The following TMEM116 variants were observed in gnomAD, a reference collection of about 807,000 sequenced individuals.
TMEM116 encodes transmembrane protein 116.
Under a neutral mutation model 44.3 loss-of-function variants are expected in TMEM116, and 38 were observed. The ratio of observed to expected loss-of-function variants is 0.86; its 90% CI spans 0.66 to 1.12. The LOEUF (loss-of-function observed/expected upper bound fraction) is 1.12, where lower values mean the gene tolerates loss of function less well. Among genes scored for constraint, TMEM116 ranks in the 50% most tolerant of loss-of-function variants. The probability of loss-of-function intolerance (pLI) is 0.00; values close to 1 mark genes in which losing one functional copy is unlikely to be tolerated. For missense variants in TMEM116, 354 were observed against 401.7 expected (o/e 0.88, Z 1.01); for synonymous variants, 132 against 144.8 (o/e 0.91, Z 0.64).
chr12:111,957,104 A>G (rs1366240040), intron 4 of TMEM116, among the ~76,000 whole-genome samples: 2 of 138,068 alleles, frequency 1.4e-5, no homozygotes, highest in Non-Finnish European at 1.6e-5. Context: ...CTGGGATGTG[A>G]GGAGCCCCTC....
chr12:112,006,154 A>T (rs1183769644), intron 1 of TMEM116: 5 of 162,188 alleles, frequency 3.1e-5, no homozygotes, highest in Admixed American at 1.3e-4. Context: ...AGGTAGTGAC[A>T]AGCGGAGGAG....
intron 4 of TMEM116, among the ~76,000 whole-genome samples, chr12:111,951,030 T>C (rs981103601): frequency 6.6e-6 from 1 of 151,964 alleles, no homozygotes; most frequent in Non-Finnish European, 1.5e-5. Context: ...CATGAACAGA[T>C]ACTTTTCAAA....
chr12:111,991,841 A>C lies in TMEM116; in HGVS notation c.127T>G (p.Cys43Gly). Residue 43 changes from cysteine (C) to glycine (G), a missense_variant, in exon 4 of 11, where the codon TGC (cysteine) becomes GGC (glycine). Coordinates refer to ENST00000552374, the MANE Select transcript of TMEM116 (RefSeq NM_001193531.2). ...LSFCDLLLGL[C>G]WLTETLLYGA... ...TAGAGAAGTGTCTCCGTGAGCCAGCAAAGTCCCAGGAGCAGGTCACAGAAG... is the reference window on the plus strand; with the variant it reads ...TAGAGAAGTGTCTCCGTGAGCCAGCCAAGTCCCAGGAGCAGGTCACAGAAG... The C allele has an allele frequency of 1.3e-6, 2 of 1,536,256 alleles. No homozygotes were observed. Among genetic ancestry groups the C allele is most frequent in the Non-Finnish European group, 1.7e-6 (2 of 1,146,734 alleles).
chr12:111,943,285 C>T lies in TMEM116; in HGVS notation c.295G>A (p.Gly99Arg), dbSNP rs2073014197. 1 of 1,613,554 alleles carries T rather than the reference C, an allele frequency of 6.2e-7. No individual in the cohort carries two copies. The highest frequency in any genetic ancestry group is 8.5e-7 in the Non-Finnish European group (1 of 1,179,696). The stretch of plus-strand genomic sequence containing the variant: ...CTTACCAGTGGAGATGTGCTCTGTC[C>T]ACTCTGGGTGTGTTTCATCCTCAGC... ...TELRMKHTQSGQSTSPLVIDY... is the reference protein window; with the variant it reads ...TELRMKHTQSRQSTSPLVIDY... Residue 99 changes from glycine (G) to arginine (R), a missense_variant, in exon 5 of 11, where the codon GGA becomes AGA. Gly to Arg is a moderately radical substitution (Grantham distance 125, BLOSUM62 -2). Coordinates refer to ENST00000552374, the MANE Select transcript of TMEM116 (RefSeq NM_001193531.2).
intron 4 of TMEM116, among the ~76,000 whole-genome samples, chr12:111,960,091 T>C (rs1168695156): frequency 1.3e-5 from 2 of 152,188 alleles, no homozygotes; most frequent in African/African-American, 4.8e-5. Context: ...ATTGACCATA[T>C]AATTGGAAAT....
intron 4 of TMEM116, among the ~76,000 whole-genome samples, chr12:111,990,006 A>G (rs1822533000): frequency 1.3e-5 from 2 of 152,248 alleles, no homozygotes; most frequent in South Asian, 2.1e-4. Context: ...CTGTAATCCC[A>G]GCACTTTGGG....
chr12:111,985,649 G>A (rs954477686), intron 4 of TMEM116, among the ~76,000 whole-genome samples: 7 of 151,988 alleles, frequency 4.6e-5, no homozygotes, highest in African/African-American at 1.2e-4. Flanking sequence ...GTGTCATGGC[G>A]GAATCATGGC....
At chr12:111,994,270 T>C (rs1409109980) in intron 3 of TMEM116, among the ~76,000 whole-genome samples, 1 of 151,962 alleles carries the variant, frequency 6.6e-6, no homozygotes, top group Non-Finnish European at 1.5e-5. Flanking sequence ...AATATTAAGA[T>C]AACCAAGACA....
chr12:111,936,832 T>C lies in TMEM116; in HGVS notation c.450-2A>G, dbSNP rs758986989. 19 of 1,588,298 alleles carry C rather than the reference T, an allele frequency of 1.2e-5. No individual in the cohort carries two copies. The highest frequency in any genetic ancestry group is 1.7e-6 in the Non-Finnish European group (2 of 1,169,324). On this transcript the variant is annotated splice_acceptor_variant, in intron 7 of 10. Transcript: ENST00000552374. LOFTEE classifies it high-confidence loss of function. ...GGTGGTGAGTGCATCAAGATACACC[T>C]AGGAAGAAAATCAATAAACAGGAGT...
chr12:112,008,193 A>T (rs901902885), intron 1 of TMEM116, among the ~76,000 whole-genome samples: 2 of 151,948 alleles, frequency 1.3e-5, no homozygotes, highest in Non-Finnish European at 2.9e-5. Context: ...TGTTAAAAAG[A>T]AAAAAAAGGC....
At chr12:111,936,445 A>G in intron 8 of TMEM116, 1 of 392,958 alleles carries the variant, frequency 2.5e-6, no homozygotes, top group Non-Finnish European at 4.5e-6. Flanking sequence ...TGAAGCCTAT[A>G]CTAGTTGTAG....
At chr12:111,943,461 T>C in intron 4 of TMEM116, 92 bp from the exon 5 acceptor site, 1 of 872,196 alleles carries the variant, frequency 1.1e-6, no homozygotes, top group Non-Finnish European at 1.8e-6. Context: ...ATTATGAGAA[T>C]CCTACCTACT....
chr12:111,993,331 G>A, intron 3 of TMEM116: 2 of 507,340 alleles, frequency 3.9e-6, no homozygotes, highest in South Asian at 3.1e-5. Flanking sequence ...AAGGAGGATG[G>A]TGTTCATTCT....
intron 4 of TMEM116, among the ~76,000 whole-genome samples, chr12:111,988,416 G>A (rs1461864529): frequency 2.6e-5 from 4 of 152,164 alleles, no homozygotes; most frequent in African/African-American, 9.6e-5. Context: ...AAACAAGGCC[G>A]GGCACGGTGG....
At chr12:112,003,611 T>C (rs1190085176) in intron 3 of TMEM116, 189 bp downstream of exon 3, 2 of 636,300 alleles carry the variant, frequency 3.1e-6, no homozygotes, top group Admixed American at 4.3e-5. Flanking sequence ...TTCAAAGTTA[T>C]AGCTAAAATA....
At chr12:111,969,406 AT>A (rs953610788) in intron 4 of TMEM116, among the ~76,000 whole-genome samples, 136 of 143,732 alleles carry the variant, frequency 9.5e-4, no homozygotes, top group Admixed American at 9.1e-4. Context: ...TTGTTTATTT[AT>A]TTTTTTTTTT....
At chr12:112,000,287 T>C (rs1285951390) in intron 3 of TMEM116, among the ~76,000 whole-genome samples, 2 of 152,326 alleles carry the variant, frequency 1.3e-5, no homozygotes, top group African/African-American at 2.4e-5. Flanking sequence ...AATTACTTTT[T>C]TAAAATCCTT....
chr12:111,989,947 A>G (rs1210956168), intron 4 of TMEM116, among the ~76,000 whole-genome samples: 2 of 152,182 alleles, frequency 1.3e-5, no homozygotes, highest in African/African-American at 2.4e-5. Context: ...ATACAGCTCA[A>G]TAAAGTTGTA....
At chr12:111,940,646 A>G (rs1037932721) in intron 5 of TMEM116, among the ~76,000 whole-genome samples, 6 of 151,602 alleles carry the variant, frequency 4.0e-5, no homozygotes, top group Admixed American at 2.0e-4. Context: ...AGAGAAGTAC[A>G]GTATATGCAT....
Sources: gnomAD v4.1 joint callset for allele counts (sites outside exome capture counted in the v4.1 genomes callset) on GRCh38, gnomAD v4.1.1 for gene constraint, MANE v1.5 for transcripts, NCBI Gene and HGNC (gene_info 2026-07-23, HGNC 2026-07-21) for gene names.